The following TFB2M variants were observed in gnomAD, a reference collection of about 807,000 sequenced individuals.
TFB2M encodes the protein dimethyladenosine transferase 2, mitochondrial.
TFB2M carries 44 observed loss-of-function variants against 41.3 expected under a neutral mutation model. The ratio of observed to expected loss-of-function variants is 1.07; its 90% CI spans 0.84 to 1.37. The LOEUF is 1.37. TFB2M is among the 40% of genes most tolerant of loss of function. The pLI, the probability that TFB2M is intolerant of heterozygous loss-of-function variation, is 0.00. For synonymous variants in TFB2M, 188 were observed against 176.8 expected (o/e 1.06, Z -0.50); for missense variants, 496 against 490.2 (o/e 1.01, Z -0.11).
intron 6 of TFB2M, among the ~76,000 whole-genome samples, chr1:246,546,968 C>T (rs950964586): frequency 2.4e-4 from 16 of 66,188 alleles, no homozygotes; most frequent in African/African-American, 2.2e-4. Flanking sequence ...TGTATATATA[C>T]ACACACACAC....
chr1:246,559,341 G>A (rs561030052), intron 2 of TFB2M, among the ~76,000 whole-genome samples: 1 of 152,288 alleles, frequency 6.6e-6, no homozygotes, highest in African/African-American at 2.4e-5. Context: ...ACAAGGTCAG[G>A]AGTTTGAGAT....
At chr1:246,556,203 T>A (rs539070418) in intron 4 of TFB2M, among the ~76,000 whole-genome samples, 1 of 152,192 alleles carries the variant, frequency 6.6e-6, no homozygotes, top group Non-Finnish European at 1.5e-5. Flanking sequence ...CAAAGAAATA[T>A]TGTAGAGTAA....
In TFB2M at chr1:246,546,962, T is replaced by TACACACACACACACACACAC. The variant is rs1191913962; in HGVS notation, c.858+1582_858+1583insGTGTGTGTGTGTGTGTGTGT. Among the ~76,000 whole-genome samples the TACACACACACACACACACAC allele has an allele frequency of 8.0e-4, 59 of 74,016 alleles. 1 individual carries two copies. The highest frequency in any genetic ancestry group is 1.8e-3 in the African/African-American group (54 of 29,570). The allele number at this position is 74,016 out of a possible 152,430, so 48.6% of individuals were successfully genotyped here. A position where few individuals can be genotyped will look rare whatever the true frequency, so the allele number is the denominator to read the frequency against. On this transcript the variant is annotated intron_variant, in intron 6 of 7. Coordinates refer to ENST00000366514, the MANE Select transcript of TFB2M (RefSeq NM_022366.3). ...TCATCCCTAAAAGTTTATATATGTA[T>TACACACACACACACACACAC]ATATACACACACACACACACATTTT... is the stretch of plus-strand genomic sequence containing the variant.
intron 5 of TFB2M, among the ~76,000 whole-genome samples, chr1:246,549,643 T>C (rs1478807303): frequency 6.6e-6 from 1 of 152,088 alleles, no homozygotes; most frequent in South Asian, 2.1e-4. Flanking sequence ...TACATACCCA[T>C]AACCATATTA....
Position 246,566,002 on chromosome 1 carries a change from T to G in TFB2M, c.137A>C (p.Asp46Ala). The change falls in exon 1 of 8, where the codon GAC becomes GCC. Residue 46 changes from aspartate (D) to alanine (A), a missense_variant. Coordinates refer to ENST00000366514, the MANE Select transcript of TFB2M (RefSeq NM_022366.3). ...LPARNHCGLSDSSPQLWPEPD... is the reference protein window; with the variant it reads ...LPARNHCGLSASSPQLWPEPD... ...TTCGGGCCACAGCTGCGGAGAGGAG[T>G]CAGAGAGCCCACAGTGGTTCCTCGC... 6.2e-7 allele frequency: 1 copy of G among 1,613,652 alleles called. No individual in the cohort carries two copies. Among genetic ancestry groups the G allele is most frequent in the Non-Finnish European group, 8.5e-7 (1 of 1,179,924 alleles).
In TFB2M at chr1:246,544,658, T is replaced by C; in HGVS notation, c.882A>G (p.Gln294=). 1 of 1,595,354 alleles carries C rather than the reference T, an allele frequency of 6.3e-7. No homozygotes were observed. Among genetic ancestry groups the C allele is most frequent in the Non-Finnish European group, 8.5e-7 (1 of 1,175,592 alleles). The change falls in exon 7 of 8, where the codon CAA becomes CAG. Residue 294 remains glutamine, a synonymous_variant. Transcript: ENST00000366514. ...GAATCATTTGAATAAGATACAGCTT[T>C]TGTTGTAATTGGTCTAATAATTCCT... ...KRRELLDQLQ[Q]KLYLIQMIPR...
chr1:246,556,555 T>A lies in TFB2M; in HGVS notation c.705+18A>T. 1 of 1,445,264 alleles carries A rather than the reference T, an allele frequency of 6.9e-7. No homozygotes were observed. Among genetic ancestry groups the A allele is most frequent in the Non-Finnish European group, 9.2e-7 (1 of 1,083,854 alleles). The allele number at this position is 1,445,264 out of a possible 1,614,324, so 89.5% of individuals were successfully genotyped here. ...TTACAGACTCAGAACAAAAAATAGG[T>A]ATTTGTTAATAACATACCTGGAATT... is the stretch of plus-strand genomic sequence containing the variant. On this transcript the variant is annotated intron_variant, in intron 4 of 7. Transcript: ENST00000366514.
chr1:246,557,371 CA>C lies in TFB2M; in HGVS notation c.556+9del. On this transcript the variant is annotated intron_variant, in intron 3 of 7. Coordinates refer to ENST00000366514, the MANE Select transcript of TFB2M (RefSeq NM_022366.3). ...TCTAGGTATTTGCTTTAGTAAATTC[CA>C]AAAATGACCTGCTGTCCAAGGAACT... 1.2e-6 allele frequency: 2 copies of C among 1,607,022 alleles called. No individual in the cohort carries two copies. The highest frequency in any genetic ancestry group is 2.2e-5 in the East Asian group (1 of 44,676).
chr1:246,556,368 T>C (rs1032827020), intron 4 of TFB2M, among the ~76,000 whole-genome samples: 3 of 152,154 alleles, frequency 2.0e-5, no homozygotes. Context: ...CAGATGATGG[T>C]AATGGCTGTA....
chr1:246,555,567 G>A (rs937281557), intron 4 of TFB2M, among the ~76,000 whole-genome samples: 3 of 151,878 alleles, frequency 2.0e-5, no homozygotes, highest in African/African-American at 7.3e-5. Context: ...GCAAGACCCT[G>A]TCTCAAAAAA....
chr1:246,563,550 G>A (rs1659512048), intron 2 of TFB2M, among the ~76,000 whole-genome samples: 1 of 151,752 alleles, frequency 6.6e-6, no homozygotes. Context: ...GTTACAGTGA[G>A]CCGAGATCGC....
intron 2 of TFB2M, among the ~76,000 whole-genome samples, chr1:246,562,440 T>A (rs111933010): frequency 1.3e-5 from 2 of 152,356 alleles, no homozygotes; most frequent in Non-Finnish European, 2.9e-5. Context: ...GACTACAGGC[T>A]GAGCATCCTT....
rs554171232 is a variant in TFB2M, at chr1:246,551,925, C to T, written c.706-623G>A. Reference sequence around the variant, plus strand: ...CACAGCCCCAAGGTCCTGAGGCCCTCGCTGTCTTTCCATGGCTAGCAAATA... The same window carrying T: ...CACAGCCCCAAGGTCCTGAGGCCCTTGCTGTCTTTCCATGGCTAGCAAATA... On this transcript the variant is annotated intron_variant, in intron 4 of 7. Coordinates refer to ENST00000366514, the MANE Select transcript of TFB2M (RefSeq NM_022366.3). Among the ~76,000 whole-genome samples the T allele has an allele frequency of 1.8e-4, 28 of 152,308 alleles. No homozygotes were observed. The South Asian group carries it at 4.3e-3, about 24-fold the overall frequency.
intron 2 of TFB2M, among the ~76,000 whole-genome samples, chr1:246,557,830 C>T (rs1413057926): frequency 6.6e-6 from 1 of 152,048 alleles, no homozygotes; most frequent in Admixed American, 6.6e-5. Context: ...CCACCACACC[C>T]AGCCAGTTTT....
intron 6 of TFB2M, 68 bp from the exon 7 acceptor site, chr1:246,544,749 T>C: frequency 7.2e-7 from 1 of 1,385,664 alleles, no homozygotes; most frequent in East Asian, 2.4e-5. Flanking sequence ...TGCTCACTTC[T>C]TCCTTCAAGC....
intron 4 of TFB2M, among the ~76,000 whole-genome samples, chr1:246,551,879 T>C (rs1285733055): frequency 6.6e-6 from 1 of 152,210 alleles, no homozygotes; most frequent in African/African-American, 2.4e-5. Context: ...TCCTTGTCTT[T>C]CCTTTGTTGA....
At chr1:246,545,069 G>A (rs1658974989) in intron 6 of TFB2M, among the ~76,000 whole-genome samples, 1 of 150,752 alleles carries the variant, frequency 6.6e-6, no homozygotes. Context: ...CCTCCCCAAA[G>A]TGCTGGGATT....
chr1:246,566,194 CCCCACGCAGGGTAT>C lies in TFB2M; in HGVS notation c.-70_-57del. ...CACCTAGTGCAGCTACTACAGTGAA[CCCCACGCAGGGTAT>C]CCCACGTGGAACATTTTCTGGCGTC... On this transcript the variant is annotated 5_prime_UTR_variant, in exon 1 of 8. An upstream open reading frame in the 5' UTR loses its in-frame stop. Transcript: ENST00000366514. 6.5e-7 allele frequency: 1 copy of C among 1,543,746 alleles called. No individual in the cohort carries two copies. Among genetic ancestry groups the C allele is most frequent in the Non-Finnish European group, 8.8e-7 (1 of 1,135,742 alleles).
intron 7 of TFB2M, 97 bp from the exon 8 acceptor site, chr1:246,541,299 C>A: frequency 1.7e-6 from 2 of 1,192,430 alleles, no homozygotes; most frequent in Non-Finnish European, 2.4e-6. Context: ...TTCAAAATGT[C>A]TAACTTAGGC....
Sources: gnomAD v4.1 joint callset for allele counts (sites outside exome capture counted in the v4.1 genomes callset) on GRCh38, gnomAD v4.1.1 for gene constraint, MANE v1.5 for transcripts, NCBI Gene and HGNC (gene_info 2026-07-23, HGNC 2026-07-21) for gene names.